UBASH3B: variants seen among roughly 807,000 people sequenced by gnomAD.
UBASH3B encodes ubiquitin-associated and SH3 domain-containing protein B.
UBASH3B carries 37 observed loss-of-function variants against 83.4 expected under a neutral mutation model. The observed-to-expected ratio is 0.44, with a 90% confidence interval of 0.34 to 0.58. The LOEUF (loss-of-function observed/expected upper bound fraction) is 0.58. UBASH3B is among the 20% of genes least tolerant of loss of function. The pLI is 0.01. For synonymous variants in UBASH3B, 304 were observed against 318.3 expected, an observed-to-expected ratio of 0.96 and a Z score of 0.48; for missense variants, 657 against 827.2, an observed-to-expected ratio of 0.79 and a Z score of 2.52.
chr11:122,708,795 G>T (rs1002989421), intron 1 of UBASH3B, among the ~76,000 whole-genome samples: 1 of 152,068 alleles, frequency 6.6e-6, no homozygotes, highest in Non-Finnish European at 1.5e-5. Context: ...CCCATTTTAG[G>T]TTTCAATTTT....
At chr11:122,717,758 T>A (rs1860549543) in intron 1 of UBASH3B, among the ~76,000 whole-genome samples, 1 of 152,162 alleles carries the variant, frequency 6.6e-6, no homozygotes. Context: ...TCTATAACTC[T>A]GAGAAGTCAC....
intron 1 of UBASH3B, among the ~76,000 whole-genome samples, chr11:122,743,842 G>T (rs1416532160): frequency 6.6e-6 from 1 of 152,226 alleles, no homozygotes; most frequent in Non-Finnish European, 1.5e-5. Flanking sequence ...GGAAGAAGCA[G>T]TTTCCAAAGG....
intron 1 of UBASH3B, among the ~76,000 whole-genome samples, chr11:122,720,726 A>G (rs1052609425): frequency 6.6e-6 from 1 of 152,086 alleles, no homozygotes; most frequent in Non-Finnish European, 1.5e-5. Context: ...ACAGCTATCC[A>G]CAGAGCTCTC....
chr11:122,687,875 C>T (rs1565529241), intron 1 of UBASH3B, among the ~76,000 whole-genome samples: 1 of 152,148 alleles, frequency 6.6e-6, no homozygotes, highest in Non-Finnish European at 1.5e-5. Flanking sequence ...CCCTATCCTG[C>T]CATCAGTGCC....
chr11:122,781,935 G>A (rs370483172), intron 4 of UBASH3B, among the ~76,000 whole-genome samples: 1 of 152,180 alleles, frequency 6.6e-6, no homozygotes, highest in Non-Finnish European at 1.5e-5. Context: ...ACTTAAAACC[G>A]AAATGCTCAA....
intron 1 of UBASH3B, among the ~76,000 whole-genome samples, chr11:122,764,573 TC>T (rs1399589558): frequency 6.6e-6 from 1 of 152,196 alleles, no homozygotes; most frequent in African/African-American, 2.4e-5. Flanking sequence ...TCTTAGCTAT[TC>T]CCCCAAGGCT....
chr11:122,714,532 C>T (rs115090070), intron 1 of UBASH3B, among the ~76,000 whole-genome samples: 1,821 of 152,266 alleles, frequency 0.012, 44 homozygotes, highest in African/African-American at 0.041. Flanking sequence ...CCAGAGGCAG[C>T]GGGGTAAAAT....
intron 1 of UBASH3B, among the ~76,000 whole-genome samples, chr11:122,721,160 G>A (rs571739807): frequency 4.0e-5 from 6 of 149,118 alleles, no homozygotes; most frequent in South Asian, 4.2e-4. Context: ...CAGGAGAATC[G>A]CTTGAACCCG....
intron 1 of UBASH3B, among the ~76,000 whole-genome samples, chr11:122,770,956 G>A (rs1343601871): frequency 1.3e-5 from 2 of 152,184 alleles, no homozygotes; most frequent in East Asian, 3.8e-4. Context: ...AAGCAAATCT[G>A]AACATGCCTC....
chr11:122,660,339 C>A (rs1277190376), intron 1 of UBASH3B, among the ~76,000 whole-genome samples: 1 of 152,082 alleles, frequency 6.6e-6, no homozygotes, highest in African/African-American at 2.4e-5. Context: ...AGGAAGGAAA[C>A]CTTTCAAAGG....
At position 122,675,344 on chromosome 11, in the gene UBASH3B, G is replaced by A. The variant is rs771893382; in HGVS notation, c.161+19134G>A. Reference sequence around the variant, plus strand: ...AAGTGTTTTAAGAGTTGTTTTGAGTGTTGGTTCTGTTCCTCCGTGTGAAAG... The same window carrying A: ...AAGTGTTTTAAGAGTTGTTTTGAGTATTGGTTCTGTTCCTCCGTGTGAAAG... On this transcript the variant is annotated intron_variant, in intron 1 of 13. Coordinates refer to ENST00000284273, the MANE Select transcript of UBASH3B (RefSeq NM_032873.5). 1.1e-3 allele frequency among the ~76,000 whole-genome samples: 162 copies of A among 152,322 alleles called. 1 individual carries two copies. Among genetic ancestry groups the A allele is most frequent in the Non-Finnish European group, 1.0e-3 (70 of 68,036 alleles).
intron 4 of UBASH3B, 64 bp downstream of exon 4, chr11:122,779,759 G>A (rs1860817867): frequency 1.3e-6 from 2 of 1,593,282 alleles, no homozygotes; most frequent in Non-Finnish European, 1.7e-6. Context: ...AAGGAAAAAG[G>A]ATAGGAAATA....
At chr11:122,693,572 G>C (rs1863924035) in intron 1 of UBASH3B, among the ~76,000 whole-genome samples, 1 of 152,146 alleles carries the variant, frequency 6.6e-6, no homozygotes, top group African/African-American at 2.4e-5. Context: ...CTGTAAATGA[G>C]GCTGAAATAA....
At chr11:122,798,047 G>T (rs1861183752) in intron 9 of UBASH3B, among the ~76,000 whole-genome samples, 1 of 152,156 alleles carries the variant, frequency 6.6e-6, no homozygotes, top group South Asian at 2.1e-4. Context: ...ACTTTGAGAG[G>T]CTGAGGCAAG....
intron 4 of UBASH3B, chr11:122,782,394 C>T (rs1591811556): frequency 6.6e-6 from 1 of 152,122 alleles, no homozygotes; most frequent in Non-Finnish European, 1.5e-5. Flanking sequence ...TCCCAGGGTA[C>T]ATTTGGCAAT....
Position 122,697,523 on chromosome 11 carries a change from A to ACCGT in UBASH3B, c.161+41314_161+41317dup, listed in dbSNP as rs571085816. On this transcript the variant is annotated intron_variant, in intron 1 of 13. Transcript: ENST00000284273. ...CTTCAGATTAAAGTGAACATTAATG[A>ACCGT]CCGTACTGAAGCAAATAGAGTTCCA... is the stretch of plus-strand genomic sequence containing the variant. Among the ~76,000 whole-genome samples the ACCGT allele has an allele frequency of 1.5e-3, 230 of 152,350 alleles. 1 individual carries two copies. The highest frequency in any genetic ancestry group is 5.1e-3 in the African/African-American group (211 of 41,584).
chr11:122,774,731 G>A (rs556153624), intron 1 of UBASH3B, among the ~76,000 whole-genome samples: 22 of 152,268 alleles, frequency 1.4e-4, no homozygotes, highest in African/African-American at 5.1e-4. Context: ...ACAAGAGTGA[G>A]CACCTATTGA....
intron 1 of UBASH3B, among the ~76,000 whole-genome samples, chr11:122,741,527 G>A (rs1486169941): frequency 6.6e-6 from 1 of 152,140 alleles, no homozygotes; most frequent in Non-Finnish European, 1.5e-5. Context: ...AGTGGTCAGT[G>A]AACATCCCAC....
At chr11:122,787,881 C>T (rs894840838) in intron 5 of UBASH3B, among the ~76,000 whole-genome samples, 8 of 152,168 alleles carry the variant, frequency 5.3e-5, no homozygotes, top group African/African-American at 1.9e-4. Context: ...CCCTAGAAAA[C>T]AGTAAAAGCT....
Sources: gnomAD v4.1 joint callset for allele counts (sites outside exome capture counted in the v4.1 genomes callset) on GRCh38, gnomAD v4.1.1 for gene constraint, MANE v1.5 for transcripts, NCBI Gene and HGNC (gene_info 2026-07-23, HGNC 2026-07-21) for gene names.